Variants in TUBGCP3 observed in about 807,000 individuals in gnomAD.
TUBGCP3 encodes tubulin gamma complex component 3.
TUBGCP3 carries 50 observed loss-of-function variants against 123.1 expected under a neutral mutation model. The ratio of observed to expected loss-of-function variants is 0.41; its 90% CI spans 0.32 to 0.51. The LOEUF is 0.51. Among genes scored for constraint, TUBGCP3 ranks in the 20% least tolerant of loss-of-function variants. TUBGCP3 has a pLI of 0.36. For synonymous variants in TUBGCP3, 405 were observed against 413.9 expected (o/e 0.98, Z 0.26); for missense variants, 882 against 1,127.0 (o/e 0.78, Z 3.11).
At position 112,554,922 on chromosome 13, in the gene TUBGCP3, T is replaced by G. The variant is rs745821069; in HGVS notation, c.805A>C (p.Asn269His). The change falls in exon 7 of 22, where the codon AAC becomes CAC. Residue 269 changes from asparagine to histidine, a missense_variant. Around this residue, in one of 3 missense-constraint regions of TUBGCP3, gnomAD observed 713 missense variants for 874.0 expected, o/e 0.82. Coordinates refer to ENST00000261965, the MANE Select transcript of TUBGCP3 (RefSeq NM_006322.6). Reference sequence around the variant, plus strand: ...ACTTTGTAACAATTTTCAGTGTTGTTCATTTTGATGTTTTTGCCATCTATG... The same window carrying G: ...ACTTTGTAACAATTTTCAGTGTTGTGCATTTTGATGTTTTTGCCATCTATG... Reference protein sequence around the residue: ...QGIDGKNIKMNNTENCYKVEG... With the variant: ...QGIDGKNIKMHNTENCYKVEG... 6.2e-7 allele frequency: 1 copy of G among 1,612,716 alleles called. No individual in the cohort carries two copies. Among genetic ancestry groups the G allele is most frequent in the South Asian group, 1.1e-5 (1 of 90,500 alleles).
Position 112,533,219 on chromosome 13 carries a change from T to G in TUBGCP3, c.1336-5735A>C, listed in dbSNP as rs1446399484. Among the ~76,000 whole-genome samples, 2 of 152,226 alleles carry G rather than the reference T, an allele frequency of 1.3e-5. 1 individual carries two copies. The highest frequency in any genetic ancestry group is 3.9e-4 in the East Asian group (2 of 5,190). ...GTCCCCGAGGAATAGCAGTAGGCTCTGGGCAGACACAGCCAAGAGGGAGAC... is the reference window on the plus strand; with the variant it reads ...GTCCCCGAGGAATAGCAGTAGGCTCGGGGCAGACACAGCCAAGAGGGAGAC... On this transcript the variant is annotated intron_variant, in intron 11 of 21. Coordinates refer to ENST00000261965, the MANE Select transcript of TUBGCP3 (RefSeq NM_006322.6).
intron 8 of TUBGCP3, among the ~76,000 whole-genome samples, chr13:112,550,322 A>G (rs1040827930): frequency 1.3e-5 from 2 of 152,188 alleles, no homozygotes; most frequent in African/African-American, 4.8e-5. Context: ...TATATTTTTA[A>G]AATATATCAG....
chr13:112,601,151 C>G, the TUBGCP3 span, among the ~76,000 whole-genome samples: 4 of 143,008 alleles, frequency 2.8e-5, no homozygotes, highest in Non-Finnish European at 6.0e-5. Context: ...CACGCCACTG[C>G]ACTCTAGCCT....
At chr13:112,512,478 A>G (rs949740185) in intron 17 of TUBGCP3, among the ~76,000 whole-genome samples, 47 of 150,764 alleles carry the variant, frequency 3.1e-4, no homozygotes, top group Admixed American at 2.7e-3. Context: ...TCACGCCTGT[A>G]ATCCCAGCAC....
At chr13:112,576,038 A>C (rs545288675) in intron 1 of TUBGCP3, among the ~76,000 whole-genome samples, 40 of 152,374 alleles carry the variant, frequency 2.6e-4, no homozygotes, top group African/African-American at 9.1e-4. Context: ...AGTCATAGGA[A>C]AATTACGTAC....
At chr13:112,570,710 C>T (rs970428342) in intron 1 of TUBGCP3, among the ~76,000 whole-genome samples, 2 of 152,156 alleles carry the variant, frequency 1.3e-5, no homozygotes, top group African/African-American at 4.8e-5. Context: ...CATCGATTGA[C>T]CCTTCCTTTC....
chr13:112,568,702 C>T (rs373556294), intron 2 of TUBGCP3, among the ~76,000 whole-genome samples: 6 of 152,222 alleles, frequency 3.9e-5, no homozygotes, highest in African/African-American at 1.4e-4. Context: ...AGCACCACTG[C>T]GTTTGGCTTA....
At chr13:112,556,702 A>G (rs1285540514) in intron 5 of TUBGCP3, among the ~76,000 whole-genome samples, 1 of 152,192 alleles carries the variant, frequency 6.6e-6, no homozygotes, top group Non-Finnish European at 1.5e-5. Context: ...CAGCCTTCAG[A>G]GTGCTCACTA....
rs928237367 is a variant in TUBGCP3, at chr13:112,519,361, G to A, written c.1882-318C>T. 6.6e-6 allele frequency among the ~76,000 whole-genome samples: 1 copy of A among 152,138 alleles called. No homozygotes were observed. The highest frequency in any genetic ancestry group is 2.4e-5 in the African/African-American group (1 of 41,422). ...GTTCCAAATCTTTTTATTCCAAGAT[G>A]ACTCTTGCAATATTTTAAGAAAACC... is the stretch of plus-strand genomic sequence containing the variant. On this transcript the variant is annotated intron_variant, in intron 15 of 21. Transcript: ENST00000261965. This position sits in a 1 kb window ranked among gnomAD's most constrained non-coding sequence, Gnocchi z 6.2.
chr13:112,525,749 T>C (rs144833542), intron 13 of TUBGCP3, among the ~76,000 whole-genome samples: 1 of 152,280 alleles, frequency 6.6e-6, no homozygotes, highest in African/African-American at 2.4e-5. Flanking sequence ...GTGCAATAAG[T>C]CCTGGCTCTT....
At chr13:112,566,538 G>C (rs545229130) in intron 2 of TUBGCP3, among the ~76,000 whole-genome samples, 2 of 152,046 alleles carry the variant, frequency 1.3e-5, no homozygotes, top group South Asian at 4.2e-4. Flanking sequence ...CTTCCTATAT[G>C]GAAAAGGAAA....
At chr13:112,502,816 A>AT (rs1409023972) in intron 19 of TUBGCP3, among the ~76,000 whole-genome samples, 1 of 152,108 alleles carries the variant, frequency 6.6e-6, no homozygotes, top group Admixed American at 6.5e-5. Flanking sequence ...AAGTGCTGGG[A>AT]TTACAGGCAT....
At chr13:112,495,600 G>C (rs1880481280) in intron 20 of TUBGCP3, among the ~76,000 whole-genome samples, 1 of 152,112 alleles carries the variant, frequency 6.6e-6, no homozygotes. Flanking sequence ...CTTGGAATAA[G>C]CTGAAACTTG....
chr13:112,601,184 C>CT, the TUBGCP3 span, among the ~76,000 whole-genome samples: 37 of 84,206 alleles, frequency 4.4e-4, no homozygotes, highest in African/African-American at 1.7e-3. Context: ...AAGATTCTGT[C>CT]TAAAAAAAAA....
the TUBGCP3 span, among the ~76,000 whole-genome samples, chr13:112,595,353 C>T: frequency 6.6e-6 from 1 of 152,276 alleles, no homozygotes; most frequent in East Asian, 1.9e-4. Flanking sequence ...CCCGCCACCA[C>T]ACCCAGCTAA....
At position 112,554,892 on chromosome 13, in the gene TUBGCP3, C is replaced by T; in HGVS notation, c.835G>A (p.Gly279Arg). ...TAGATTTTATGTTACTGTACCTTTC[C>T]TTCTACTTTGTAACAATTTTCAGTG... is the stretch of plus-strand genomic sequence containing the variant. ...NNTENCYKVE[G>R]KANLSRSLRD... is the part of the protein sequence containing the mutation. The change falls in exon 7 of 22, where the codon GGA (glycine) becomes AGA (arginine). Residue 279 changes from glycine (G) to arginine (R), a missense_variant. Physicochemically the swap from Gly to Arg is moderately radical, Grantham distance 125. Coordinates refer to ENST00000261965, the MANE Select transcript of TUBGCP3 (RefSeq NM_006322.6). 6.3e-7 allele frequency: 1 copy of T among 1,596,832 alleles called. No individual in the cohort carries two copies. Among genetic ancestry groups the T allele is most frequent in the Non-Finnish European group, 8.5e-7 (1 of 1,171,138 alleles).
chr13:112,527,263 G>A (rs1035521972), intron 12 of TUBGCP3, 111 bp downstream of exon 12: 5 of 844,006 alleles, frequency 5.9e-6, no homozygotes, highest in African/African-American at 3.4e-5. Flanking sequence ...TCTCCAGAAC[G>A]TTAACAATCT....
chr13:112,564,471 T>G (rs1880791577), intron 3 of TUBGCP3, among the ~76,000 whole-genome samples: 1 of 152,168 alleles, frequency 6.6e-6, no homozygotes, highest in Non-Finnish European at 1.5e-5. Flanking sequence ...CAGAAAAATC[T>G]CACCCTATGA....
At chr13:112,584,331 A>G (rs1305152115) in intron 1 of TUBGCP3, among the ~76,000 whole-genome samples, 1 of 152,264 alleles carries the variant, frequency 6.6e-6, no homozygotes, top group African/African-American at 2.4e-5. Flanking sequence ...TTAAATTTTA[A>G]CTTATTGAAA....
Sources: allele counts gnomAD v4.1 joint callset (sites outside exome capture counted in the v4.1 genomes callset), GRCh38; gene constraint gnomAD v4.1.1; regional missense constraint gnomAD v4.1.1; non-coding constraint Gnocchi (gnomAD v3.1); transcripts MANE v1.5; gene names NCBI Gene and HGNC (gene_info 2026-07-23, HGNC 2026-07-21).